Variants in USP32 observed in about 807,000 individuals in gnomAD.
The protein encoded by USP32 is ubiquitin carboxyl-terminal hydrolase 32.
A neutral mutation model predicts 204.8 loss-of-function variants in USP32; 59 were observed. The observed-to-expected ratio is 0.29, with a 90% CI of 0.23 to 0.36. USP32 has a LOEUF of 0.36. Among genes scored for constraint, USP32 ranks in the 10% least tolerant of loss-of-function variants. The pLI is 1.00. For synonymous variants in USP32, 517 were observed against 678.4 expected, an observed-to-expected ratio of 0.76 and a Z score of 3.70; for missense variants, 1,160 against 1,946.4, an observed-to-expected ratio of 0.60 and a Z score of 7.60.
Position 60,418,250 on chromosome 17 carries a change from G to A in USP32, c.106+3996C>T, listed in dbSNP as rs530617549. 6.6e-5 allele frequency among the ~76,000 whole-genome samples: 10 copies of A among 151,996 alleles called. No homozygotes were observed. The East Asian group carries it at 1.4e-3, about 21-fold the overall frequency. ...TGGGATTACAGGCGTGAGACCCCTC[G>A]CCTGGCTAATTTTTGTATTTTTAGT... is the stretch of plus-strand genomic sequence containing the variant. On this transcript the variant is annotated intron_variant, in intron 1 of 3. Transcript: ENST00000588898.
chr17:60,226,039 C>T lies in USP32; in HGVS notation c.1432G>A (p.Gly478Ser), dbSNP rs147383770. The T allele has an allele frequency of 5.4e-5, 86 of 1,596,634 alleles. No individual in the cohort carries two copies. The highest frequency in any genetic ancestry group is 3.3e-4 in the Middle Eastern group (2 of 6,018). ...ASEASETAGS[G>S]FLYSATPGAD... is the part of the protein sequence containing the mutation. ...CCTCAGGGGAATAGGTCATATTTAC[C>T]GCTGCCAGCAGTTTCTGAGGCTTCA... Residue 478 changes from glycine (G) to serine (S), a missense_variant and splice_region_variant, in exon 13 of 34, where the codon GGC becomes AGC. Physicochemically the swap from Gly to Ser is moderately conservative, Grantham distance 56. Around this residue, in one of 8 missense-constraint regions of USP32, gnomAD observed 536 missense variants for 680.9 expected, o/e 0.79. Coordinates refer to ENST00000300896, the MANE Select transcript of USP32 (RefSeq NM_032582.4).
intron 1 of USP32, among the ~76,000 whole-genome samples, chr17:60,417,308 C>T (rs1463760409): frequency 6.6e-6 from 1 of 152,008 alleles, no homozygotes; most frequent in Non-Finnish European, 1.5e-5. Context: ...AGCATACATA[C>T]CCTTTTATGT....
intron 1 of USP32, among the ~76,000 whole-genome samples, chr17:60,367,369 G>A (rs2089338868): frequency 6.6e-6 from 1 of 152,106 alleles, no homozygotes. Context: ...AATTGGCAGG[G>A]CGTGATGGCT....
Position 60,266,002 on chromosome 17 carries a change from T to C in USP32, c.901A>G (p.Lys301Glu). ...GGAATATCATCAGTGCGGTTGTCCT[T>C]CCAGACTTCTAAAAGTGCAACCACC... Reference protein sequence around the residue: ...DMVVALLEVWKDNRTDDIPEL... With the variant: ...DMVVALLEVWEDNRTDDIPEL... The change falls in exon 8 of 34, where the codon AAG becomes GAG. Residue 301 changes from lysine (K) to glutamate (E), a missense_variant. Around this residue, in one of 8 missense-constraint regions of USP32, gnomAD observed 536 missense variants for 680.9 expected, o/e 0.79. Transcript: ENST00000300896. 6.2e-7 allele frequency: 1 copy of C among 1,614,034 alleles called. No homozygotes were observed. Among genetic ancestry groups the C allele is most frequent in the Non-Finnish European group, 8.5e-7 (1 of 1,179,952 alleles).
At chr17:60,226,536 TTTC>T (rs2085395546) in intron 12 of USP32, among the ~76,000 whole-genome samples, 1 of 152,224 alleles carries the variant, frequency 6.6e-6, no homozygotes, top group Non-Finnish European at 1.5e-5. Context: ...CTTAAATTTT[TTTC>T]TTTTCTTCCT....
At chr17:60,347,912 G>A (rs1243651127) in intron 1 of USP32, among the ~76,000 whole-genome samples, 1 of 151,616 alleles carries the variant, frequency 6.6e-6, no homozygotes, top group African/African-American at 2.4e-5. Flanking sequence ...CACGAGGTCA[G>A]GAGATCCAGA....
chr17:60,341,854 C>A (rs1451398112), intron 2 of USP32, among the ~76,000 whole-genome samples: 1 of 152,166 alleles, frequency 6.6e-6, no homozygotes, highest in Non-Finnish European at 1.5e-5. Context: ...CGAACATACT[C>A]CTTTAGCTCG....
intron 1 of USP32, among the ~76,000 whole-genome samples, chr17:60,349,596 A>AATATATATATATAT (rs1187939098): frequency 3.1e-5 from 2 of 65,176 alleles, no homozygotes; most frequent in Non-Finnish European, 5.0e-5. Flanking sequence ...AAAAAAAAAA[A>AATATATATATATAT]ATATATATAT....
At chr17:60,222,619 G>A in intron 14 of USP32, 70 bp from the exon 15 acceptor site, 3 of 1,416,614 alleles carry the variant, frequency 2.1e-6, no homozygotes, top group South Asian at 1.4e-5. Flanking sequence ...GCAATACCTA[G>A]AAACAGGAAA....
Position 60,198,394 on chromosome 17 carries a change from G to A in USP32, c.3300C>T (p.Leu1100=), listed in dbSNP as rs1280851387. The part of the protein sequence containing the change: ...FLSSQKNRPS[L]FGMPLIVPCT... Reference sequence around the variant, plus strand: ...ATGGAACAATCAATGGCATTCCAAAGAGGCTGGGGCGATTCTTCTGAGATG... The same window carrying A: ...ATGGAACAATCAATGGCATTCCAAAAAGGCTGGGGCGATTCTTCTGAGATG... The change falls in exon 27 of 34, where the codon CTC becomes CTT. Residue 1100 remains leucine, a synonymous_variant. Transcript: ENST00000300896. The A allele has an allele frequency of 1.9e-6, 3 of 1,614,034 alleles. No homozygotes were observed. Among genetic ancestry groups the A allele is most frequent in the Admixed American group, 3.3e-5 (2 of 59,988 alleles).
chr17:60,285,744 C>A (rs925819361), intron 5 of USP32, among the ~76,000 whole-genome samples: 10 of 152,074 alleles, frequency 6.6e-5, no homozygotes, highest in African/African-American at 2.4e-4. Flanking sequence ...GAAAAGGTTT[C>A]ATGAAAAAGA....
intron 11 of USP32, among the ~76,000 whole-genome samples, chr17:60,241,020 C>CA (rs1467414947): frequency 1.3e-5 from 2 of 152,146 alleles, no homozygotes; most frequent in Admixed American, 6.5e-5. Flanking sequence ...GTTTTTGAGA[C>CA]AGAGTCTTGC....
At chr17:60,398,101 G>A (rs183255112) in intron 1 of USP32, among the ~76,000 whole-genome samples, 47 of 152,250 alleles carry the variant, frequency 3.1e-4, no homozygotes, top group African/African-American at 9.9e-4. Flanking sequence ...AGGGTGCTTC[G>A]TGCCTGTAAT....
At chr17:60,190,047 G>A (rs538839099) in intron 29 of USP32, among the ~76,000 whole-genome samples, 1 of 152,344 alleles carries the variant, frequency 6.6e-6, no homozygotes, top group South Asian at 2.1e-4. Flanking sequence ...TTGGGTCATA[G>A]GGGTGAAACT....
At chr17:60,283,565 C>G (rs879938732) in intron 5 of USP32, among the ~76,000 whole-genome samples, 1 of 151,662 alleles carries the variant, frequency 6.6e-6, no homozygotes, top group Admixed American at 6.6e-5. Flanking sequence ...TGGATAGAAT[C>G]TAATATGAAG....
intron 5 of USP32, among the ~76,000 whole-genome samples, chr17:60,272,957 C>T (rs544107904): frequency 2.6e-5 from 4 of 152,026 alleles, no homozygotes; most frequent in South Asian, 2.1e-4. Context: ...GTACAAATGC[C>T]GGGAAATTTG....
At chr17:60,256,722 A>G (rs1446361819) in intron 9 of USP32, 62 of 1,140,256 alleles carry the variant, frequency 5.4e-5, no homozygotes, top group Non-Finnish European at 6.5e-5. Context: ...CACCACGGCA[A>G]CAGAAGAACT....
At chr17:60,289,468 G>T (rs1049199623) in intron 4 of USP32, among the ~76,000 whole-genome samples, 2 of 152,064 alleles carry the variant, frequency 1.3e-5, no homozygotes, top group African/African-American at 4.8e-5. Flanking sequence ...CAACTATCCA[G>T]GTGTCCTCCT....
chr17:60,237,126 C>CTATCTATT (rs1467950050), intron 11 of USP32, among the ~76,000 whole-genome samples: 6 of 150,046 alleles, frequency 4.0e-5, no homozygotes, highest in Non-Finnish European at 7.4e-5. Flanking sequence ...ATCTATCTAT[C>CTATCTATT]TATCTATCTA....
Sources: gnomAD v4.1 joint callset for allele counts (sites outside exome capture counted in the v4.1 genomes callset) on GRCh38, gnomAD v4.1.1 for gene constraint, gnomAD v4.1.1 regional missense constraint, MANE v1.5 for transcripts, NCBI Gene and HGNC (gene_info 2026-07-23, HGNC 2026-07-21) for gene names.